The following PAPPA variants were observed in gnomAD, a reference collection of about 807,000 sequenced individuals.
The protein encoded by PAPPA is pappalysin 1.
In PAPPA, 60 loss-of-function variants were observed where a neutral mutation model predicts 164.0. The ratio of observed to expected loss-of-function variants is 0.37; its 90% confidence interval spans 0.30 to 0.45. The LOEUF (loss-of-function observed/expected upper bound fraction) is 0.45. Among genes scored for constraint, PAPPA ranks in the 20% least tolerant of loss-of-function variants. The pLI is 1.00. For missense variants in PAPPA, 1,782 were observed against 2,087.3 expected, an observed-to-expected ratio of 0.85 and a Z score of 2.85; for synonymous variants, 875 against 814.1, an observed-to-expected ratio of 1.07 and a Z score of -1.27.
chr9:116,257,913 C>T (rs796154057), intron 7 of PAPPA, among the ~76,000 whole-genome samples: 18 of 151,834 alleles, frequency 1.2e-4, no homozygotes, highest in African/African-American at 2.7e-4. Context: ...TAAACCTACA[C>T]GTAATTATGT....
chr9:116,369,352 G>C (rs1846543052), intron 19 of PAPPA, among the ~76,000 whole-genome samples: 1 of 152,170 alleles, frequency 6.6e-6, no homozygotes, highest in Admixed American at 6.5e-5. Flanking sequence ...AAGGCAGCTA[G>C]AGATAATCAA....
intron 21 of PAPPA, among the ~76,000 whole-genome samples, chr9:116,393,057 G>A (rs1268144132): frequency 1.3e-5 from 2 of 152,122 alleles, no homozygotes; most frequent in Non-Finnish European, 2.9e-5. Context: ...GAAGAAAAAG[G>A]TGACACCACC....
intron 2 of PAPPA, among the ~76,000 whole-genome samples, chr9:116,198,715 G>A (rs186535702): frequency 6.2e-4 from 95 of 152,302 alleles, no homozygotes; most frequent in African/African-American, 2.2e-3. Context: ...GGAACCAGGT[G>A]TTCTGACACT....
chr9:116,227,242 G>A (rs572154332), intron 5 of PAPPA, among the ~76,000 whole-genome samples, 189 bp from the exon 6 acceptor site: 2 of 152,188 alleles, frequency 1.3e-5, no homozygotes, highest in Non-Finnish European at 2.9e-5. Flanking sequence ...CTCAAACGAG[G>A]TTCTTGCTGG....
At chr9:116,198,918 T>G (rs1020401000) in intron 2 of PAPPA, among the ~76,000 whole-genome samples, 5 of 148,204 alleles carry the variant, frequency 3.4e-5, no homozygotes, top group African/African-American at 1.0e-4. Context: ...TGGTGGAGTG[T>G]TTTTTTTTCC....
chr9:116,332,900 A>T (rs1162645082), intron 12 of PAPPA: 2 of 158,046 alleles, frequency 1.3e-5, no homozygotes, highest in African/African-American at 4.8e-5. Flanking sequence ...TTTTTACCCT[A>T]TAACCGGGAG....
intron 9 of PAPPA, among the ~76,000 whole-genome samples, chr9:116,290,053 C>T (rs889664459): frequency 6.6e-6 from 1 of 152,114 alleles, no homozygotes; most frequent in African/African-American, 2.4e-5. Context: ...AACAACACAG[C>T]TTATAGTTTT....
Position 116,396,860 on chromosome 9 carries a change from G to A in PAPPA, c.*244G>A, listed in dbSNP as rs895366627. 7 of 535,728 alleles carry A rather than the reference G, an allele frequency of 1.3e-5. No homozygotes were observed. Among genetic ancestry groups the A allele is most frequent in the Non-Finnish European group, 2.3e-5 (7 of 299,170 alleles). 33.2% of individuals were successfully genotyped at this position (535,728 alleles called of 1,614,324 possible). On this transcript the variant is annotated 3_prime_UTR_variant, in exon 22 of 22. Transcript: ENST00000328252. ...CTGAGATGGATTGCATATACAGTGTGCAGTCCCAGAGCCTCCTAAAATTCT... is the reference window on the plus strand; with the variant it reads ...CTGAGATGGATTGCATATACAGTGTACAGTCCCAGAGCCTCCTAAAATTCT...
At chr9:116,201,472 C>A (rs1844169996) in intron 2 of PAPPA, among the ~76,000 whole-genome samples, 1 of 152,120 alleles carries the variant, frequency 6.6e-6, no homozygotes, top group African/African-American at 2.4e-5. Context: ...CACATTAATC[C>A]AGTGTTGGGA....
At chr9:116,218,098 G>A (rs1735400625) in intron 4 of PAPPA, among the ~76,000 whole-genome samples, 1 of 152,216 alleles carries the variant, frequency 6.6e-6, no homozygotes, top group Admixed American at 6.5e-5. Context: ...CTGGGTTTGA[G>A]AGAGATTTAC....
chr9:116,219,426 T>C (rs1038839588), intron 4 of PAPPA, among the ~76,000 whole-genome samples: 1 of 152,192 alleles, frequency 6.6e-6, no homozygotes, highest in Non-Finnish European at 1.5e-5. Context: ...CATTGGTTAA[T>C]AGTGAAATTA....
intron 21 of PAPPA, 70 bp downstream of exon 21, chr9:116,382,563 C>A: frequency 1.1e-6 from 1 of 914,352 alleles, no homozygotes; most frequent in Non-Finnish European, 1.8e-6. Context: ...CAGGATCACT[C>A]CTTCATGGCT....
At chr9:116,355,720 A>T (rs1305022688) in intron 17 of PAPPA, among the ~76,000 whole-genome samples, 1 of 152,164 alleles carries the variant, frequency 6.6e-6, no homozygotes, top group Non-Finnish European at 1.5e-5. Context: ...AGTAACTTTC[A>T]TGGCCAGTTT....
At chr9:116,222,387 A>G (rs751102792) in intron 5 of PAPPA, among the ~76,000 whole-genome samples, 5 of 152,192 alleles carry the variant, frequency 3.3e-5, no homozygotes, top group Non-Finnish European at 7.4e-5. Flanking sequence ...AGTTGAAAAT[A>G]TCGTAAGTCA....
intron 7 of PAPPA, among the ~76,000 whole-genome samples, chr9:116,263,280 G>A (rs1344256404): frequency 6.6e-6 from 1 of 152,182 alleles, no homozygotes; most frequent in African/African-American, 2.4e-5. Flanking sequence ...CCAGGGTAAA[G>A]AGAAACCTTC....
At position 116,187,498 on chromosome 9, in the gene PAPPA, G is replaced by A. The variant is rs144766369; in HGVS notation, c.760G>A (p.Glu254Lys). 6.7e-4 allele frequency: 1,079 copies of A among 1,614,116 alleles called. 3 individuals are homozygous for A. In the African/African-American group the frequency reaches 0.011, roughly 17 times the overall value. The change falls in exon 2 of 22, where the codon GAG becomes AAG. Residue 254 changes from glutamate to lysine, a missense_variant. Around this residue, in one of 2 missense-constraint regions of PAPPA, gnomAD observed 458 missense variants for 430.3 expected, o/e 1.06. Transcript: ENST00000328252. This position sits in a 1 kb window ranked among gnomAD's most constrained non-coding sequence, Gnocchi z 4.2. ...GAATCACAACTACCGGGGCTACATC[G>A]AGCACTTCAGTCTGTGGAAGGTGGC... ...ALNHNYRGYI[E>K]HFSLWKVART...
At chr9:116,323,399 C>T (rs1219719952) in intron 10 of PAPPA, among the ~76,000 whole-genome samples, 1 of 152,136 alleles carries the variant, frequency 6.6e-6, no homozygotes, top group East Asian at 1.9e-4. Context: ...CTTCTCCCTC[C>T]ACCGGGCTAT....
chr9:116,371,928 G>A (rs1046729499), intron 19 of PAPPA, among the ~76,000 whole-genome samples: 1 of 152,012 alleles, frequency 6.6e-6, no homozygotes, highest in African/African-American at 2.4e-5. Context: ...TTGTAGACTT[G>A]GTCCCTATCA....
intron 4 of PAPPA, among the ~76,000 whole-genome samples, chr9:116,218,608 A>G (rs1373187055): frequency 2.0e-5 from 3 of 152,168 alleles, no homozygotes; most frequent in Non-Finnish European, 4.4e-5. Context: ...AGAGATTAGG[A>G]TCAAAGGTCC....
Sources: allele counts gnomAD v4.1 joint callset (sites outside exome capture counted in the v4.1 genomes callset), GRCh38; gene constraint gnomAD v4.1.1; regional missense constraint gnomAD v4.1.1; non-coding constraint Gnocchi (gnomAD v3.1); transcripts MANE v1.5; gene names NCBI Gene and HGNC (gene_info 2026-07-23, HGNC 2026-07-21).